Variants in TTLL9 observed in about 807,000 individuals in gnomAD.
TTLL9 encodes tubulin tyrosine ligase like 9.
A neutral mutation model predicts 65.6 loss-of-function variants in TTLL9; 47 were observed. The observed-to-expected ratio is 0.72, with a 90% CI of 0.57 to 0.91. The LOEUF (loss-of-function observed/expected upper bound fraction) is 0.91, where lower values mean the gene tolerates loss of function less well. Ranked by LOEUF, TTLL9 falls within the 40% of genes least tolerant of loss-of-function variation. The pLI is 0.00. For synonymous variants in TTLL9, 179 were observed against 204.8 expected, an observed-to-expected ratio of 0.87 and a Z score of 1.07; for missense variants, 537 against 568.8, an observed-to-expected ratio of 0.94 and a Z score of 0.57.
chr20:31,879,450 T>C (rs1391156981), intron 2 of TTLL9: 1 of 182,174 alleles, frequency 5.5e-6, no homozygotes, highest in Non-Finnish European at 1.2e-5. Flanking sequence ...CAGAGGCGAC[T>C]GGCCGCGTTA....
At chr20:31,903,729 A>G (rs1036894365) in intron 4 of TTLL9, among the ~76,000 whole-genome samples, 1 of 152,226 alleles carries the variant, frequency 6.6e-6, no homozygotes, top group African/African-American at 2.4e-5. Flanking sequence ...ACCTACAGAA[A>G]AGTTTCAAAA....
chr20:31,934,662 CCTCTCTCG>C (rs781403600), intron 11 of TTLL9, 22 bp from the exon 12 acceptor site: 1 of 1,583,936 alleles, frequency 6.3e-7, no homozygotes, highest in Admixed American at 1.8e-5. Flanking sequence ...AACTGAGGCT[CCTCTCTCG>C]ACCCGGCTGC....
intron 3 of TTLL9, among the ~76,000 whole-genome samples, chr20:31,894,741 ACACATACG>A (rs1287787362): frequency 6.7e-6 from 1 of 149,698 alleles, no homozygotes; most frequent in African/African-American, 2.5e-5. Flanking sequence ...ACACACACAC[ACACATACG>A]TACACACACT....
chr20:31,884,721 C>T (rs2063164879), intron 2 of TTLL9, among the ~76,000 whole-genome samples: 1 of 152,228 alleles, frequency 6.6e-6, no homozygotes, highest in South Asian at 2.1e-4. Flanking sequence ...GACACTCTGA[C>T]ATTGACTCTG....
At chr20:31,894,476 T>A (rs2063354381) in intron 3 of TTLL9, among the ~76,000 whole-genome samples, 1 of 150,606 alleles carries the variant, frequency 6.6e-6, no homozygotes, top group South Asian at 2.1e-4. Flanking sequence ...TTTATAATAA[T>A]TTTTAAATTT....
At chr20:31,908,503 C>T in intron 4 of TTLL9, 88 bp from the exon 5 acceptor site, 1 of 867,656 alleles carries the variant, frequency 1.2e-6, no homozygotes, top group Non-Finnish European at 1.9e-6. Context: ...TACCCTTCCT[C>T]AAGCCCCCTC....
chr20:31,911,583 G>A (rs1402838235), intron 6 of TTLL9, among the ~76,000 whole-genome samples: 1 of 152,220 alleles, frequency 6.6e-6, no homozygotes, highest in Non-Finnish European at 1.5e-5. Flanking sequence ...TCCAGGGAAG[G>A]CGCAGTGAGG....
chr20:31,873,053 C>T (rs750408103), intron 2 of TTLL9: 2 of 516,846 alleles, frequency 3.9e-6, no homozygotes, highest in Non-Finnish European at 7.7e-6. Context: ...TAAGAGGTGA[C>T]AGTGACCTGG....
At chr20:31,937,001 G>A (rs775986761) in intron 12 of TTLL9, among the ~76,000 whole-genome samples, 10 of 151,884 alleles carry the variant, frequency 6.6e-5, no homozygotes, top group Non-Finnish European at 1.3e-4. Flanking sequence ...GGGAGGCTGA[G>A]GCAGGAGAAT....
chr20:31,926,938 C>T (rs1388787405), intron 10 of TTLL9, among the ~76,000 whole-genome samples: 2 of 151,286 alleles, frequency 1.3e-5, no homozygotes, highest in African/African-American at 4.9e-5. Context: ...GATCCTGTCT[C>T]TATGAAAAAA....
chr20:31,912,976 A>C (rs1306232687), intron 6 of TTLL9, among the ~76,000 whole-genome samples: 1 of 152,040 alleles, frequency 6.6e-6, no homozygotes, highest in Non-Finnish European at 1.5e-5. Context: ...TGGGCAACAT[A>C]GCAAGACTTA....
intron 2 of TTLL9, among the ~76,000 whole-genome samples, chr20:31,880,852 C>CTTTTTT (rs35047352): frequency 1.6e-4 from 17 of 108,256 alleles, no homozygotes; most frequent in African/African-American, 5.6e-4. Flanking sequence ...TCTTTCTTTC[C>CTTTTTT]TTTTTTTTTT....
intron 4 of TTLL9, among the ~76,000 whole-genome samples, chr20:31,904,805 G>T (rs2063528182): frequency 6.6e-6 from 1 of 152,092 alleles, no homozygotes; most frequent in South Asian, 2.1e-4. Flanking sequence ...TTTAGTATCA[G>T]TTTGGCTCAT....
chr20:31,937,459 C>T lies in TTLL9; in HGVS notation c.1068C>T (p.Leu356=). 4 of 1,613,906 alleles carry T rather than the reference C, an allele frequency of 2.5e-6. No homozygotes were observed. The highest frequency in any genetic ancestry group is 2.5e-6 in the Non-Finnish European group (3 of 1,179,878). Residue 356 remains leucine (L), a synonymous_variant, in exon 13 of 15, where the codon CTC becomes CTT. Transcript: ENST00000535842. Reference sequence around the variant, plus strand: ...CCAGCAGCCAGGAAGACTATGAGCTCAAGACCTGCCTCCTGGAAGACACCC... The same window carrying T: ...CCAGCAGCCAGGAAGACTATGAGCTTAAGACCTGCCTCCTGGAAGACACCC... ...LTASSQEDYE[L]KTCLLEDTLH... is the part of the protein sequence containing the mutation.
In TTLL9 at chr20:31,919,087, G is replaced by C. The variant is rs1472450735; in HGVS notation, c.505-777G>C. On this transcript the variant is annotated intron_variant, in intron 6 of 14. Transcript: ENST00000535842. ...GATGACTTGGGAGATCTGCTCAGTG[G>C]CTGCAAATACCTAAAGGACTCTTCT... Among the ~76,000 whole-genome samples, 4 of 152,180 alleles carry C rather than the reference G, an allele frequency of 2.6e-5. No homozygotes were observed. The East Asian group carries it at 7.7e-4, about 29-fold the overall frequency.
intron 4 of TTLL9, among the ~76,000 whole-genome samples, chr20:31,904,891 C>T (rs1348531947): frequency 1.3e-5 from 2 of 152,094 alleles, no homozygotes; most frequent in African/African-American, 4.8e-5. Flanking sequence ...GAGAAGAGGG[C>T]AAGGTCACGT....
At position 31,925,808 on chromosome 20, in the gene TTLL9, C is replaced by T. The variant is rs570107416; in HGVS notation, c.706-241C>T. The T allele has an allele frequency of 3.3e-4, 461 of 1,406,472 alleles. 1 individual carries two copies. The highest frequency in any genetic ancestry group is 1.8e-3 in the East Asian group (74 of 40,238). 87.1% of individuals were successfully genotyped at this position (1,406,472 alleles called of 1,614,324 possible). ...GGAAACGGTAGGTGCAAGAGCTAGG[C>T]GGTGTGAGAGTGCCTGTATATATTC... On this transcript the variant is annotated intron_variant, in intron 9 of 14. Transcript: ENST00000535842.
At chr20:31,920,168 C>G (rs1568810546) in intron 7 of TTLL9, among the ~76,000 whole-genome samples, 1 of 152,128 alleles carries the variant, frequency 6.6e-6, no homozygotes, top group Non-Finnish European at 1.5e-5. Context: ...GTCAGTGCCC[C>G]AGTAAATGGG....
intron 11 of TTLL9, 99 bp downstream of exon 11, chr20:31,933,957 G>C: frequency 7.7e-7 from 1 of 1,301,416 alleles, no homozygotes; most frequent in Non-Finnish European, 1.0e-6. Flanking sequence ...AGGCCTGTCT[G>C]AGCCTGTGTT....
Sources: allele counts gnomAD v4.1 joint callset (sites outside exome capture counted in the v4.1 genomes callset), GRCh38; gene constraint gnomAD v4.1.1; transcripts MANE v1.5; gene names NCBI Gene and HGNC (gene_info 2026-07-23, HGNC 2026-07-21).